Variants in PDE11A observed in about 807,000 individuals in gnomAD.
The protein encoded by PDE11A is dual 3',5'-cyclic-AMP and -GMP phosphodiesterase 11A.
A neutral mutation model predicts 100.5 loss-of-function variants in PDE11A; 100 were observed. The ratio of observed to expected loss-of-function variants is 1.00; its 90% CI spans 0.85 to 1.18. PDE11A has a LOEUF of 1.18. Among genes scored for constraint, PDE11A ranks in the 50% most tolerant of loss-of-function variants. The pLI, the probability that PDE11A is intolerant of heterozygous loss-of-function variation, is 0.00. For synonymous variants in PDE11A, 381 were observed against 420.8 expected (o/e 0.91, Z 1.16); for missense variants, 1,141 against 1,152.6 (o/e 0.99, Z 0.15).
At chr2:177,801,302 T>C (rs1485766267) in intron 9 of PDE11A, among the ~76,000 whole-genome samples, 2 of 152,206 alleles carry the variant, frequency 1.3e-5, no homozygotes, top group Admixed American at 1.3e-4. Context: ...TTTGTTTACT[T>C]GTCTACTGCC....
At chr2:178,012,964 A>T (rs947762433) in intron 2 of PDE11A, among the ~76,000 whole-genome samples, 1 of 152,226 alleles carries the variant, frequency 6.6e-6, no homozygotes, top group African/African-American at 2.4e-5. Flanking sequence ...TTTCTGCTTT[A>T]TCTTACATTC....
rs531123985 is a variant in PDE11A at position 177,894,273 on chromosome 2, C to T, written c.1302+3785G>A. On this transcript the variant is annotated intron_variant, in intron 4 of 19. Transcript: ENST00000286063. ...GTTGGTAAGTTTTCTGCTGGGGATGCCACATAAATAGATACCTTTACCCCA... is the reference window on the plus strand; with the variant it reads ...GTTGGTAAGTTTTCTGCTGGGGATGTCACATAAATAGATACCTTTACCCCA... Among the ~76,000 whole-genome samples the T allele has an allele frequency of 1.1e-4, 17 of 152,198 alleles. No individual in the cohort carries two copies. In the South Asian group the frequency reaches 3.3e-3, roughly 30 times the overall value.
At chr2:178,028,143 T>C (rs1212046595) in intron 1 of PDE11A, among the ~76,000 whole-genome samples, 5 of 151,936 alleles carry the variant, frequency 3.3e-5, no homozygotes, top group Non-Finnish European at 2.9e-5. Flanking sequence ...CACATTCCCT[T>C]CCCCACTATA....
intron 4 of PDE11A, among the ~76,000 whole-genome samples, chr2:177,887,003 G>C (rs927187080): frequency 2.0e-5 from 3 of 152,134 alleles, no homozygotes; most frequent in African/African-American, 7.2e-5. Flanking sequence ...TGGGGTGTGG[G>C]AAACAGGTGA....
intron 9 of PDE11A, among the ~76,000 whole-genome samples, chr2:177,808,546 G>C (rs975680192): frequency 6.6e-6 from 1 of 152,184 alleles, no homozygotes; most frequent in African/African-American, 2.4e-5. Flanking sequence ...TCTGAATTGT[G>C]TAAGAAAAGG....
chr2:177,964,645 T>G (rs188761579), intron 2 of PDE11A, among the ~76,000 whole-genome samples: 2 of 152,302 alleles, frequency 1.3e-5, no homozygotes, highest in East Asian at 3.9e-4. Flanking sequence ...TGGTATTTGG[T>G]TTTCTGTTCC....
intron 19 of PDE11A, among the ~76,000 whole-genome samples, chr2:177,657,316 G>A (rs191211215): frequency 6.6e-6 from 1 of 152,310 alleles, no homozygotes; most frequent in Non-Finnish European, 1.5e-5. Flanking sequence ...CTGTTTGAAT[G>A]GTGATGCCTG....
chr2:177,623,480 A>G lies in PDE11A; in HGVS notation c.*5927T>C, dbSNP rs562489753. 6.6e-6 allele frequency: 1 copy of G among 152,376 alleles called. No individual in the cohort carries two copies. Among genetic ancestry groups the G allele is most frequent in the East Asian group, 1.9e-4 (1 of 5,192 alleles). The allele number at this position is 152,376 out of a possible 1,614,324, so 9.4% of individuals were successfully genotyped here. A position where few individuals can be genotyped will look rare whatever the true frequency, so the allele number is the denominator to read the frequency against. The stretch of plus-strand genomic sequence containing the variant: ...AATAATAATTAGGAAGGAAGTCAGT[A>G]GGAGATCCTTTTTAGGTTATTGTAC... On this transcript the variant is annotated 3_prime_UTR_variant, in exon 20 of 20. Transcript: ENST00000286063.
At chr2:177,750,009 C>T (rs1395151111) in intron 10 of PDE11A, among the ~76,000 whole-genome samples, 1 of 152,208 alleles carries the variant, frequency 6.6e-6, no homozygotes, top group African/African-American at 2.4e-5. Context: ...CTCAGCTGCA[C>T]ATAAGAAACC....
chr2:177,916,737 T>TTATTG (rs1574276559), intron 2 of PDE11A, among the ~76,000 whole-genome samples: 1 of 150,764 alleles, frequency 6.6e-6, no homozygotes, highest in East Asian at 1.9e-4. Flanking sequence ...TCTTTTTATT[T>TTATTG]TATTTTATTT....
intron 2 of PDE11A, among the ~76,000 whole-genome samples, chr2:177,948,556 T>A (rs2085471116): frequency 6.6e-6 from 1 of 152,238 alleles, no homozygotes; most frequent in Non-Finnish European, 1.5e-5. Context: ...GTTAATCAAC[T>A]AAATTTCTTT....
intron 1 of PDE11A, among the ~76,000 whole-genome samples, chr2:178,049,368 G>T (rs1038189113): frequency 6.6e-6 from 1 of 152,160 alleles, no homozygotes; most frequent in Non-Finnish European, 1.5e-5. Flanking sequence ...GGCTTGGGGG[G>T]GAAGTTCCAA....
chr2:177,734,292 C>T (rs2081739991), intron 10 of PDE11A, among the ~76,000 whole-genome samples: 2 of 151,926 alleles, frequency 1.3e-5, no homozygotes, highest in South Asian at 4.2e-4. Context: ...CGAATACTCC[C>T]AAGACCATGC....
intron 2 of PDE11A, among the ~76,000 whole-genome samples, chr2:177,945,415 G>C (rs1171027851): frequency 7.1e-6 from 1 of 141,652 alleles, no homozygotes; most frequent in Non-Finnish European, 1.6e-5. Context: ...AGGAAGTGAG[G>C]AGCGTCTCTG....
intron 7 of PDE11A, among the ~76,000 whole-genome samples, chr2:177,819,969 T>C (rs1318617561): frequency 6.6e-6 from 1 of 151,588 alleles, no homozygotes; most frequent in African/African-American, 2.4e-5. Flanking sequence ...AGAGTTCTAT[T>C]GGTTGATAAC....
intron 2 of PDE11A, among the ~76,000 whole-genome samples, chr2:177,999,302 G>A (rs1008034502): frequency 2.6e-5 from 4 of 152,160 alleles, no homozygotes; most frequent in Non-Finnish European, 5.9e-5. Flanking sequence ...CAAGGATCGT[G>A]GTTCTCTGTC....
At chr2:178,096,083 T>A (rs2087484919) in intron 2 of PDE11A, among the ~76,000 whole-genome samples, 1 of 152,156 alleles carries the variant, frequency 6.6e-6, no homozygotes, top group Non-Finnish European at 1.5e-5. Context: ...CTTAACATTG[T>A]CTTGGCAATT....
chr2:177,696,784 T>A (rs2081117938), intron 15 of PDE11A, among the ~76,000 whole-genome samples: 1 of 152,114 alleles, frequency 6.6e-6, no homozygotes, highest in Non-Finnish European at 1.5e-5. Flanking sequence ...TGGAAGAAAT[T>A]TCCAGGCTGC....
intron 2 of PDE11A, among the ~76,000 whole-genome samples, chr2:177,977,528 GA>G (rs1346329059): frequency 6.7e-5 from 7 of 104,994 alleles, no homozygotes; most frequent in Non-Finnish European, 1.2e-4. Context: ...GTAATTTACA[GA>G]TTCAATGCCA....
Sources: allele counts gnomAD v4.1 joint callset (sites outside exome capture counted in the v4.1 genomes callset), GRCh38; gene constraint gnomAD v4.1.1; transcripts MANE v1.5; gene names NCBI Gene and HGNC (gene_info 2026-07-23, HGNC 2026-07-21).